Variants in CABIN1 observed in about 807,000 individuals in gnomAD.
The protein encoded by CABIN1 is calcineurin binding protein 1, also known as calcineurin-binding protein cabin-1.
A neutral mutation model predicts 227.7 loss-of-function variants in CABIN1; 133 were observed. The observed-to-expected ratio is 0.58, with a 90% CI of 0.51 to 0.67. The LOEUF (loss-of-function observed/expected upper bound fraction) is 0.67. CABIN1 is among the 30% of genes least tolerant of loss of function. The pLI is 0.00. For synonymous variants in CABIN1, 1,086 were observed against 1,155.1 expected, an observed-to-expected ratio of 0.94 and a Z score of 1.21; for missense variants, 2,408 against 2,852.5, an observed-to-expected ratio of 0.84 and a Z score of 3.55.
At chr22:24,119,278 A>G in intron 27 of CABIN1, 89 bp from the exon 28 acceptor site, 1 of 1,152,124 alleles carries the variant, frequency 8.7e-7, no homozygotes, top group Admixed American at 1.7e-5. Context: ...TGATCACTTC[A>G]CCAAGGCGCC....
At chr22:24,013,038 G>A (rs900852607) in intron 1 of CABIN1, among the ~76,000 whole-genome samples, 1 of 151,638 alleles carries the variant, frequency 6.6e-6, no homozygotes, top group Non-Finnish European at 1.5e-5. Context: ...TGGGATTACA[G>A]GCGTCAGACA....
chr22:24,086,723 T>C (rs1232876143), intron 22 of CABIN1, among the ~76,000 whole-genome samples: 1 of 152,230 alleles, frequency 6.6e-6, no homozygotes, highest in Non-Finnish European at 1.5e-5. Flanking sequence ...CATCTTAGTC[T>C]TGGTGTCTCT....
chr22:24,154,994 A>G (rs1047654954), intron 29 of CABIN1, among the ~76,000 whole-genome samples: 2 of 151,954 alleles, frequency 1.3e-5, no homozygotes, highest in Non-Finnish European at 2.9e-5. Context: ...GAAGCTCGCT[A>G]TGTGATAAGA....
rs1323930635 is a variant in CABIN1 at position 24,049,180 on chromosome 22, C to T, written c.616C>T (p.Pro206Ser). ...CAAGGAGAAGATTTTTGAGGAGCAG[C>T]CTTGTCTCCGGAAGGACTCTCTCAG... ...VLKEKIFEEQ[P>S]CLRKDSLRMF... The change falls in exon 7 of 37, where the codon CCT (proline) becomes TCT (serine). Residue 206 changes from proline to serine, a missense_variant. Pro to Ser is a moderately conservative substitution (Grantham distance 74). Transcript: ENST00000263119. 1.9e-6 allele frequency: 3 copies of T among 1,613,976 alleles called. No individual in the cohort carries two copies. The Admixed American group carries it at 5.0e-5, about 27-fold the overall frequency.
At position 24,064,091 on chromosome 22, in the gene CABIN1, T is replaced by C; in HGVS notation, c.1941T>C (p.Ser647=). The C allele has an allele frequency of 6.2e-7, 1 of 1,614,128 alleles. No individual in the cohort carries two copies. Reference sequence around the variant, plus strand: ...ACATCTGCACAGAAATGCTCCAGAGTTCCACCGCCATCCAGGTGGAGGCAG... The same window carrying C: ...ACATCTGCACAGAAATGCTCCAGAGCTCCACCGCCATCCAGGTGGAGGCAG... ...NYDICTEMLQ[S]STAIQVEAGA... Residue 647 remains serine (S), a synonymous_variant, in exon 15 of 37, where the codon AGT becomes AGC. Transcript: ENST00000263119.
Position 24,178,206 on chromosome 22 carries a change from G to A in CABIN1, c.*10G>A. On this transcript the variant is annotated 3_prime_UTR_variant, in exon 37 of 37. Coordinates refer to ENST00000263119, the MANE Select transcript of CABIN1 (RefSeq NM_012295.4). ...CTACATGGACATTTGAGGGGCCACTGCAGCCCCACCGCCACGCCCCAGGGG... is the reference window on the plus strand; with the variant it reads ...CTACATGGACATTTGAGGGGCCACTACAGCCCCACCGCCACGCCCCAGGGG... The A allele has an allele frequency of 1.2e-6, 2 of 1,612,538 alleles. No homozygotes were observed. Among genetic ancestry groups the A allele is most frequent in the Non-Finnish European group, 8.5e-7 (1 of 1,179,830 alleles).
At chr22:24,026,163 G>A (rs1233699244) in intron 1 of CABIN1, among the ~76,000 whole-genome samples, 5 of 151,164 alleles carry the variant, frequency 3.3e-5, no homozygotes, top group Non-Finnish European at 5.9e-5. Flanking sequence ...TTGTAGAAAC[G>A]AGGTCTCACT....
chr22:24,084,439 A>G (rs2041013198), intron 20 of CABIN1, 140 bp from the exon 21 acceptor site: 9 of 777,320 alleles, frequency 1.2e-5, no homozygotes, highest in South Asian at 1.1e-4. Context: ...TTTTAAGTAT[A>G]ATGGGGATTT....
chr22:24,177,924 G>A lies in CABIN1; in HGVS notation c.6519+107G>A. On this transcript the variant is annotated intron_variant, in intron 36 of 36. Coordinates refer to ENST00000263119, the MANE Select transcript of CABIN1 (RefSeq NM_012295.4). This position sits in a 1 kb window ranked among gnomAD's most constrained non-coding sequence, Gnocchi z 4.4. ...GCAGGAGGGCCTGGGGTGTGGGTGA[G>A]GATGGCATAGGGGCCTGGGGCAGGG... 6.6e-7 allele frequency: 1 copy of A among 1,520,270 alleles called. No individual in the cohort carries two copies. The highest frequency in any genetic ancestry group is 1.4e-5 in the African/African-American group (1 of 73,050). 94.2% of individuals were successfully genotyped at this position (1,520,270 alleles called of 1,614,324 possible).
In CABIN1 at chr22:24,094,077, C is replaced by A. The variant is rs565878630; in HGVS notation, c.3787-1854C>A. On this transcript the variant is annotated intron_variant, in intron 24 of 36. Transcript: ENST00000263119. Reference sequence around the variant, plus strand: ...GGGGGCAGGTGCCTTGGAAGAACTCCACTTTGGGGGTGAGAAGGGTAAGGC... The same window carrying A: ...GGGGGCAGGTGCCTTGGAAGAACTCAACTTTGGGGGTGAGAAGGGTAAGGC... 2.0e-5 allele frequency among the ~76,000 whole-genome samples: 3 copies of A among 152,220 alleles called. No homozygotes were observed. The South Asian group carries it at 6.2e-4, about 32-fold the overall frequency.
intron 33 of CABIN1, among the ~76,000 whole-genome samples, chr22:24,171,401 AC>A (rs2046803998): frequency 6.6e-6 from 1 of 152,136 alleles, no homozygotes; most frequent in South Asian, 2.1e-4. Flanking sequence ...CCAGACTGGC[AC>A]CCTGTGGTGT....
intron 24 of CABIN1, among the ~76,000 whole-genome samples, chr22:24,094,823 C>CAAAAAAA (rs201624847): frequency 1.3e-5 from 1 of 78,374 alleles, no homozygotes; most frequent in African/African-American, 4.0e-5. Flanking sequence ...GACTCCGTCT[C>CAAAAAAA]AAAAAAAAAA....
chr22:24,083,094 T>C, intron 19 of CABIN1, 134 bp from the exon 20 acceptor site: 3 of 858,916 alleles, frequency 3.5e-6, no homozygotes, highest in Non-Finnish European at 5.7e-6. Context: ...AATCAAGTCA[T>C]GCAGGAGCCC....
At chr22:24,076,376 G>A (rs1411493410) in intron 19 of CABIN1, 92 bp downstream of exon 19, 14 of 1,026,012 alleles carry the variant, frequency 1.4e-5, no homozygotes, top group Admixed American at 5.5e-5. Flanking sequence ...ATGTTGGCAC[G>A]CTGGGCTTGC....
chr22:24,094,095 G>C (rs941834649), intron 24 of CABIN1, among the ~76,000 whole-genome samples: 3 of 152,134 alleles, frequency 2.0e-5, no homozygotes, highest in Admixed American at 1.3e-4. Context: ...GGGTGAGAAG[G>C]GTAAGGCCCA....
At chr22:24,020,960 C>A (rs535427024) in intron 1 of CABIN1, among the ~76,000 whole-genome samples, 3 of 151,878 alleles carry the variant, frequency 2.0e-5, no homozygotes, top group African/African-American at 4.8e-5. Flanking sequence ...TTAGATCAAT[C>A]ATCTGTCTCC....
chr22:24,133,222 G>A (rs1602265990), intron 28 of CABIN1, among the ~76,000 whole-genome samples: 2 of 152,196 alleles, frequency 1.3e-5, no homozygotes, highest in Admixed American at 1.3e-4. Context: ...GCATCCCGGT[G>A]GGGGCAGAAG....
intron 14 of CABIN1, 94 bp downstream of exon 14, chr22:24,063,240 G>GTA: frequency 9.7e-7 from 1 of 1,031,778 alleles, no homozygotes; most frequent in Non-Finnish European, 1.5e-6. Flanking sequence ...GTGTGTATGT[G>GTA]TGTGTGTGTG....
chr22:24,041,997 G>T (rs1486610422), intron 5 of CABIN1, among the ~76,000 whole-genome samples: 1 of 152,162 alleles, frequency 6.6e-6, no homozygotes, highest in East Asian at 1.9e-4. Flanking sequence ...TGTTGCCCAT[G>T]CTGGAGTGCA....
Sources: gnomAD v4.1 joint callset for allele counts (sites outside exome capture counted in the v4.1 genomes callset) on GRCh38, gnomAD v4.1.1 for gene constraint, Gnocchi (gnomAD v3.1) non-coding constraint, MANE v1.5 for transcripts, NCBI Gene and HGNC (gene_info 2026-07-23, HGNC 2026-07-21) for gene names.